The following PCDHA11 variants were observed in gnomAD, a reference collection of about 807,000 sequenced individuals.
PCDHA11 encodes protocadherin alpha 11.
A neutral mutation model predicts 70.3 loss-of-function variants in PCDHA11; 61 were observed. The ratio of observed to expected loss-of-function variants is 0.87; its 90% CI spans 0.71 to 1.07. PCDHA11 has a LOEUF of 1.07. PCDHA11 is among the 50% of genes least tolerant of loss of function. The probability of loss-of-function intolerance (pLI) is 0.00; values close to 1 mark genes in which losing one functional copy is unlikely to be tolerated. For missense variants in PCDHA11, 1,324 were observed against 1,237.5 expected, an observed-to-expected ratio of 1.07 and a Z score of -1.05; for synonymous variants, 633 against 555.1, an observed-to-expected ratio of 1.14 and a Z score of -1.97.
In PCDHA11 at chr5:140,919,817, T is replaced by C. The variant is rs889103078; in HGVS notation, c.2391+48323T>C. Among the ~76,000 whole-genome samples the C allele has an allele frequency of 4.6e-5, 7 of 152,350 alleles. No homozygotes were observed. In the South Asian group the frequency reaches 1.0e-3, roughly 23 times the overall value. On this transcript the variant is annotated intron_variant, in intron 1 of 3. Coordinates refer to ENST00000398640, the MANE Select transcript of PCDHA11 (RefSeq NM_018902.5). ...TGGATTGAATTGTGGGCCTCAAAAA[T>C]ATATGTCCACATAGTAACCTTTGGA...
chr5:140,924,824 G>T (rs782384284), intron 1 of PCDHA11, among the ~76,000 whole-genome samples: 5 of 151,742 alleles, frequency 3.3e-5, no homozygotes, highest in African/African-American at 4.8e-5. Context: ...GAACCTGGGA[G>T]GGGGAGGTTG....
rs2052239024 is a variant in PCDHA11 at position 140,870,630 on chromosome 5, G to A, written c.1527G>A (p.Val509=). The change falls in exon 1 of 4, where the codon GTG becomes GTA. Residue 509 remains valine (V), a synonymous_variant. Transcript: ENST00000398640. ...GDRALSSYVS[V]HAESGKVYAL... is the part of the protein sequence containing the mutation. ...GCGCGCTGTCGAGCTACGTGTCGGT[G>A]CACGCGGAGAGCGGCAAGGTGTACG... 15 of 1,613,008 alleles carry A rather than the reference G, an allele frequency of 9.3e-6. No homozygotes were observed. The highest frequency in any genetic ancestry group is 1.3e-5 in the Non-Finnish European group (15 of 1,179,780).
Position 141,009,840 on chromosome 5 carries a change from A to T in PCDHA11, c.2753A>T (p.Lys918Met), listed in dbSNP as rs782270689. 1 of 1,614,186 alleles carries T rather than the reference A, an allele frequency of 6.2e-7. No individual in the cohort carries two copies. The highest frequency in any genetic ancestry group is 1.7e-5 in the Admixed American group (1 of 60,024). The change falls in exon 4 of 4, where the codon AAG (lysine) becomes ATG (methionine). Residue 918 changes from lysine (K) to methionine (M), a missense_variant. Lys to Met is a moderately conservative substitution (Grantham distance 95). Coordinates refer to ENST00000398640, the MANE Select transcript of PCDHA11 (RefSeq NM_018902.5). ...AGTGACTTCATAACCTTCGGCAAAA[A>T]GGAGGAGACCAAGAAAAAGAAGAAA... Reference protein sequence around the residue: ...DKSDFITFGKKEETKKKKKKK... With the variant: ...DKSDFITFGKMEETKKKKKKK...
At chr5:140,912,939 T>C (rs1372074826) in intron 1 of PCDHA11, among the ~76,000 whole-genome samples, 1 of 152,230 alleles carries the variant, frequency 6.6e-6, no homozygotes, top group Middle Eastern at 3.2e-3. Context: ...CATCCTTGTA[T>C]CCCTGGGATA....
At chr5:140,964,584 A>G (rs1347418719) in intron 1 of PCDHA11, among the ~76,000 whole-genome samples, 2 of 152,132 alleles carry the variant, frequency 1.3e-5, no homozygotes, top group African/African-American at 4.8e-5. Context: ...GGGAGGAAAG[A>G]TCACTTTTCA....
intron 1 of PCDHA11, among the ~76,000 whole-genome samples, chr5:140,941,953 C>A (rs1166757165): frequency 6.6e-6 from 1 of 152,054 alleles, no homozygotes; most frequent in Non-Finnish European, 1.5e-5. Flanking sequence ...GTTTTGAAAA[C>A]AATAGTATCT....
chr5:140,923,189 C>A (rs1452451112), intron 1 of PCDHA11, among the ~76,000 whole-genome samples: 1 of 152,210 alleles, frequency 6.6e-6, no homozygotes, highest in African/African-American at 2.4e-5. Flanking sequence ...GCATCTACTG[C>A]AGCAATTTGG....
intron 1 of PCDHA11, chr5:140,882,970 C>A (rs111935814): frequency 1.2e-6 from 2 of 1,614,130 alleles, no homozygotes; most frequent in African/African-American, 1.3e-5. Flanking sequence ...CGATTCTGGA[C>A]GTGAATGACA....
At chr5:140,929,038 C>T in intron 1 of PCDHA11, 2 of 1,614,158 alleles carry the variant, frequency 1.2e-6, no homozygotes, top group South Asian at 1.1e-5. Context: ...CTGTTGCGCT[C>T]AGAGCTGCTG....
chr5:140,882,156 A>C (rs1582595846), intron 1 of PCDHA11: 2 of 1,504,204 alleles, frequency 1.3e-6, no homozygotes, highest in Non-Finnish European at 1.8e-6. Flanking sequence ...AAAGCGGAAT[A>C]CCTCTTGCGA....
chr5:140,994,275 T>C (rs1296337913), intron 3 of PCDHA11, among the ~76,000 whole-genome samples: 1 of 152,156 alleles, frequency 6.6e-6, no homozygotes, highest in African/African-American at 2.4e-5. Flanking sequence ...AGGCTGCCTT[T>C]CTTGAGACAG....
chr5:140,922,799 A>T (rs1188093750), intron 1 of PCDHA11, among the ~76,000 whole-genome samples: 1 of 152,264 alleles, frequency 6.6e-6, no homozygotes, highest in Non-Finnish European at 1.5e-5. Context: ...GCTTTGGAAT[A>T]CAGAAAAAGG....
intron 1 of PCDHA11, among the ~76,000 whole-genome samples, chr5:140,892,088 C>T (rs782787174): frequency 1.3e-5 from 2 of 152,122 alleles, no homozygotes; most frequent in Non-Finnish European, 2.9e-5. Flanking sequence ...AGTTTCCTCT[C>T]GAAACTTTCA....
At chr5:140,877,156 G>C (rs1471783281) in intron 1 of PCDHA11, 1 of 1,613,810 alleles carries the variant, frequency 6.2e-7, no homozygotes, top group Non-Finnish European at 8.5e-7. Flanking sequence ...GAACGACAAC[G>C]CGCCGGCACT....
intron 3 of PCDHA11, among the ~76,000 whole-genome samples, chr5:140,998,221 C>G (rs1478098925): frequency 1.3e-5 from 2 of 152,160 alleles, no homozygotes; most frequent in Non-Finnish European, 2.9e-5. Flanking sequence ...TAACCACACC[C>G]AGAAATTTGT....
chr5:140,882,510 A>G (rs1276139359), intron 1 of PCDHA11: 1 of 1,614,046 alleles, frequency 6.2e-7, no homozygotes, highest in East Asian at 2.2e-5. Context: ...AATCTGCAGA[A>G]TGGCATTTTG....
chr5:140,871,152 G>T lies in PCDHA11; in HGVS notation c.2049G>T (p.Ala683=), dbSNP rs376980257. 913 of 1,613,436 alleles carry T rather than the reference G, an allele frequency of 5.7e-4. 8 individuals carry two copies. In the South Asian group the frequency reaches 9.3e-3, roughly 16 times the overall value. Reference sequence around the variant, plus strand: ...CAAAGGCCTCTTCCCGGACTTTGGCGGGCGCCGCGAGCCCAGAGGCTGCGC... The same window carrying T: ...CAAAGGCCTCTTCCCGGACTTTGGCTGGCGCCGCGAGCCCAGAGGCTGCGC... ...QAPKASSRTL[A]GAASPEAALV... Residue 683 remains alanine, a synonymous_variant, in exon 1 of 4, where the codon GCG becomes GCT. Transcript: ENST00000398640.
intron 3 of PCDHA11, among the ~76,000 whole-genome samples, chr5:140,990,589 C>G (rs1208213426): frequency 6.6e-6 from 1 of 152,196 alleles, no homozygotes; most frequent in African/African-American, 2.4e-5. Flanking sequence ...TTCCTATAAT[C>G]ACCTGGAGTC....
intron 1 of PCDHA11, chr5:140,882,808 G>A (rs1554175666): frequency 6.2e-7 from 1 of 1,614,208 alleles, no homozygotes; most frequent in Non-Finnish European, 8.5e-7. Flanking sequence ...ATTTCACTTT[G>A]GACGCACAAA....
Sources: allele counts gnomAD v4.1 joint callset (sites outside exome capture counted in the v4.1 genomes callset), GRCh38; gene constraint gnomAD v4.1.1; transcripts MANE v1.5; gene names NCBI Gene and HGNC (gene_info 2026-07-23, HGNC 2026-07-21).